Variants in ADAP1 observed in about 807,000 individuals in gnomAD.
ADAP1 encodes the protein ArfGAP with dual PH domains 1, also known as arf-GAP with dual PH domain-containing protein 1.
Under a neutral mutation model 54.9 loss-of-function variants are expected in ADAP1, and 31 were observed. That is an observed-to-expected ratio of 0.56 (90% CI 0.42 to 0.76). ADAP1 has a LOEUF of 0.76. Ranked by LOEUF, ADAP1 falls within the 30% of genes least tolerant of loss-of-function variation. ADAP1 has a pLI of 0.00. For synonymous variants in ADAP1, 313 were observed against 202.6 expected (o/e 1.55, Z -4.63); for missense variants, 535 against 512.4 (o/e 1.04, Z -0.42).
At chr7:934,418 A>G (rs1324830231) in intron 2 of ADAP1, among the ~76,000 whole-genome samples, 1 of 151,878 alleles carries the variant, frequency 6.6e-6, no homozygotes, top group Non-Finnish European at 1.5e-5. Context: ...ATGGTGCTGG[A>G]GAGGGGAGAG....
At chr7:951,612 G>C (rs1449577462) in intron 1 of ADAP1, among the ~76,000 whole-genome samples, 1 of 151,928 alleles carries the variant, frequency 6.6e-6, no homozygotes, top group South Asian at 2.1e-4. Flanking sequence ...GCATGGACCT[G>C]TAGTCCCAGC....
chr7:944,386 C>G (rs577325629), intron 1 of ADAP1, among the ~76,000 whole-genome samples: 2 of 151,634 alleles, frequency 1.3e-5, no homozygotes, highest in Non-Finnish European at 1.5e-5. Context: ...TCCCAAGTAG[C>G]TGGGATTACA....
intron 4 of ADAP1, among the ~76,000 whole-genome samples, chr7:915,611 G>C (rs1845902288): frequency 6.6e-6 from 1 of 152,188 alleles, no homozygotes; most frequent in Non-Finnish European, 1.5e-5. Context: ...TCACACGGGA[G>C]GCTTTAGCTC....
intron 4 of ADAP1, among the ~76,000 whole-genome samples, chr7:915,257 C>G (rs918761699): frequency 2.6e-5 from 4 of 152,154 alleles, no homozygotes; most frequent in Admixed American, 2.6e-4. Context: ...TGCATCTCAC[C>G]TGTGCCGCAC....
intron 4 of ADAP1, among the ~76,000 whole-genome samples, chr7:906,599 G>GGGAAA (rs1845381522): frequency 6.5e-4 from 1 of 1,536 alleles, no homozygotes; most frequent in East Asian, 0.022. Context: ...GAAAGGAGAA[G>GGGAAA]GGAGAAAGGG....
chr7:906,729 AT>A (rs1845441355), intron 4 of ADAP1, among the ~76,000 whole-genome samples: 3 of 16,200 alleles, frequency 1.9e-4, no homozygotes, highest in African/African-American at 1.1e-3. Context: ...GGGACGGGAC[AT>A]GGGGGACAGA....
chr7:905,272 C>CAG (rs1554271602), intron 4 of ADAP1, 100 bp from the exon 5 acceptor site: 1 of 317,884 alleles, frequency 3.1e-6, no homozygotes, highest in African/African-American at 5.3e-5. Flanking sequence ...GGAGAAGACA[C>CAG]GGGGGACACG....
chr7:906,066 AG>A (rs1845278488), intron 4 of ADAP1, among the ~76,000 whole-genome samples: 1 of 5,076 alleles, frequency 2.0e-4, no homozygotes, highest in African/African-American at 2.2e-3. Context: ...GGAGAAAGGG[AG>A]AAAGGAGAAA....
In ADAP1 at chr7:900,491, A is replaced by T. The variant is rs199555192; in HGVS notation, c.732+42T>A. 0.019 allele frequency: 18,930 copies of T among 1,021,560 alleles called. 244 individuals are homozygous for T. The highest frequency in any genetic ancestry group is 0.036 in the South Asian group (2,666 of 73,366). The allele number at this position is 1,021,560 out of a possible 1,614,324, so 63.3% of individuals were successfully genotyped here. A position where few individuals can be genotyped will look rare whatever the true frequency, so the allele number is the denominator to read the frequency against. ...GGCTCCGTCCACCCCCCACCCCACC[A>T]CCCCTGTCTGCCCTGGAGCTGACCG... On this transcript the variant is annotated intron_variant, in intron 7 of 10. Transcript: ENST00000265846.
intron 4 of ADAP1, among the ~76,000 whole-genome samples, chr7:911,950 C>T (rs966628373): frequency 6.6e-6 from 1 of 152,158 alleles, no homozygotes; most frequent in Non-Finnish European, 1.5e-5. Context: ...AAACACCCGT[C>T]CCCTCATGGG....
chr7:924,013 C>A (rs1005256123), intron 3 of ADAP1, among the ~76,000 whole-genome samples: 4 of 151,748 alleles, frequency 2.6e-5, no homozygotes, highest in Admixed American at 6.6e-5. Context: ...GTAGGCACCC[C>A]CCGCCCTCCA....
At chr7:915,827 GCTGT>G (rs905136999) in intron 4 of ADAP1, among the ~76,000 whole-genome samples, 6 of 151,250 alleles carry the variant, frequency 4.0e-5, no homozygotes, top group African/African-American at 1.2e-4. Context: ...CCGACGAGAC[GCTGT>G]CTGCCACCCG....
In ADAP1 at chr7:898,506, C is replaced by G. The variant is rs1439631899; in HGVS notation, c.*415G>C. ...GGGCGGGGCGGCATGCGAGCAGGGC[C>G]CAGTCCCCAGCGGCCGGCAGCTGCC... On this transcript the variant is annotated 3_prime_UTR_variant, in exon 11 of 11. Transcript: ENST00000265846. The G allele has an allele frequency of 3.5e-6, 1 of 284,230 alleles. No individual in the cohort carries two copies. The highest frequency in any genetic ancestry group is 2.2e-5 in the African/African-American group (1 of 45,760). 17.6% of individuals were successfully genotyped at this position (284,230 alleles called of 1,614,324 possible).
chr7:908,948 A>G (rs1306168253), intron 4 of ADAP1, among the ~76,000 whole-genome samples: 1 of 152,154 alleles, frequency 6.6e-6, no homozygotes, highest in Non-Finnish European at 1.5e-5. Context: ...CCTTCCAGCG[A>G]CCGGGCTCCC....
chr7:899,327 G>T, intron 9 of ADAP1, 66 bp from the exon 10 acceptor site: 1 of 1,605,868 alleles, frequency 6.2e-7, no homozygotes, highest in Non-Finnish European at 8.5e-7. Flanking sequence ...CTCAGGCCAG[G>T]ACTCGGGAGG....
In ADAP1 at chr7:904,144, G is replaced by C; in HGVS notation, c.630C>G (p.Ile210Met). Residue 210 changes from isoleucine (I) to methionine (M), a missense_variant, in exon 6 of 11, where the codon ATC (isoleucine) becomes ATG (methionine). Transcript: ENST00000265846. ...CACCCACCTTCCCGTCCTCATGGTA[G>C]ATGAAGATGTTACGGGTGCTGTTGT... is the stretch of plus-strand genomic sequence containing the variant. Reference protein sequence around the residue: ...LKDNSTRNIFIYHEDGKEIVD... With the variant: ...LKDNSTRNIFMYHEDGKEIVD... 6.2e-7 allele frequency: 1 copy of C among 1,612,548 alleles called. No individual in the cohort carries two copies. The highest frequency in any genetic ancestry group is 8.5e-7 in the Non-Finnish European group (1 of 1,179,856).
In ADAP1 at chr7:910,270, CTTT is replaced by C. The variant is rs543799061; in HGVS notation, c.389-5101_389-5099del. ...ATAAAGCCCACACCCGTTTACGAGG[CTTT>C]TTTTTTTTTTTCCCCACCCAGGCTG... On this transcript the variant is annotated intron_variant, in intron 4 of 10. Coordinates refer to ENST00000265846, the MANE Select transcript of ADAP1 (RefSeq NM_006869.4). Among the ~76,000 whole-genome samples the C allele has an allele frequency of 9.4e-3, 1,368 of 145,178 alleles. 25 individuals carry two copies. Among genetic ancestry groups the C allele is most frequent in the African/African-American group, 0.032 (1,271 of 39,934 alleles).
At position 905,099 on chromosome 7, in the gene ADAP1, T is replaced by G. The variant is rs1187943201; in HGVS notation, c.462A>C (p.Thr154=). Residue 154 remains threonine (T), a synonymous_variant, in exon 5 of 11, where the codon ACA becomes ACC. Coordinates refer to ENST00000265846, the MANE Select transcript of ADAP1 (RefSeq NM_006869.4). ...GQFLSRKFVL[T]EREGALKYFN... ...AATACTTCAGAGCACCCTCTCGTTC[T>G]GTCAGCACAAACTTCCGGCTCAAAA... The G allele has an allele frequency of 6.2e-7, 1 of 1,612,454 alleles. No individual in the cohort carries two copies. Among genetic ancestry groups the G allele is most frequent in the South Asian group, 1.1e-5 (1 of 91,092 alleles).
chr7:920,662 C>T lies in ADAP1; in HGVS notation c.306-612G>A. 1 of 812,382 alleles carries T rather than the reference C, an allele frequency of 1.2e-6. No individual in the cohort carries two copies. The highest frequency in any genetic ancestry group is 1.9e-6 in the Non-Finnish European group (1 of 530,532). The allele number at this position is 812,382 out of a possible 1,614,324, so 50.3% of individuals were successfully genotyped here. A position where few individuals can be genotyped will look rare whatever the true frequency, so the allele number is the denominator to read the frequency against. ...CAAATACCCAAGAATCCAGGAAGAC[C>T]CGGGATGAGGAGAAGCCCCCGAGAG... On this transcript the variant is annotated intron_variant, in intron 3 of 10. Coordinates refer to ENST00000265846, the MANE Select transcript of ADAP1 (RefSeq NM_006869.4). The surrounding 1 kb of genome is among the most constrained non-coding windows in gnomAD (Gnocchi z 4.5).
Sources: allele counts gnomAD v4.1 joint callset (sites outside exome capture counted in the v4.1 genomes callset), GRCh38; gene constraint gnomAD v4.1.1; non-coding constraint Gnocchi (gnomAD v3.1); transcripts MANE v1.5; gene names NCBI Gene and HGNC (gene_info 2026-07-23, HGNC 2026-07-21).